Variants in PCDHGA2 observed in about 807,000 individuals in gnomAD.
PCDHGA2 encodes protocadherin gamma-A2.
In PCDHGA2, 40 loss-of-function variants were observed where a neutral mutation model predicts 59.2. The observed-to-expected ratio is 0.68, with a 90% CI of 0.52 to 0.88. The LOEUF is 0.88. PCDHGA2 is among the 40% of genes least tolerant of loss of function. The pLI is 0.00. For synonymous variants in PCDHGA2, 560 were observed against 526.0 expected (o/e 1.06, Z -0.89); for missense variants, 1,226 against 1,204.0 (o/e 1.02, Z -0.27).
chr5:141,469,213 G>C (rs866405809), intron 1 of PCDHGA2, among the ~76,000 whole-genome samples: 4 of 150,912 alleles, frequency 2.7e-5, no homozygotes, highest in African/African-American at 9.7e-5. Flanking sequence ...TGAAGTTGAG[G>C]CTTCAGTGAG....
chr5:141,508,550 G>T (rs1440375100), intron 3 of PCDHGA2, among the ~76,000 whole-genome samples: 3 of 152,138 alleles, frequency 2.0e-5, no homozygotes, highest in Non-Finnish European at 1.5e-5. Flanking sequence ...GGTGGGCGGG[G>T]GATGGCTTTG....
chr5:141,388,511 C>G, intron 1 of PCDHGA2: 1 of 1,613,868 alleles, frequency 6.2e-7, no homozygotes, highest in Non-Finnish European at 8.5e-7. Context: ...AATCCTACCA[C>G]TTGACTTTGA....
rs147057088 is a variant in PCDHGA2 at position 141,432,065 on chromosome 5, A to C, written c.2425-62742A>C. 6.2e-7 allele frequency: 1 copy of C among 1,613,930 alleles called. No individual in the cohort carries two copies. Among genetic ancestry groups the C allele is most frequent in the Non-Finnish European group, 8.5e-7 (1 of 1,180,014 alleles). On this transcript the variant is annotated intron_variant, in intron 1 of 3. Coordinates refer to ENST00000394576, the MANE Select transcript of PCDHGA2 (RefSeq NM_018915.4). This position sits in a 1 kb window ranked among gnomAD's most constrained non-coding sequence, Gnocchi z 6.0. ...GGGAACCCCGCCCCTATCCACGGAA[A>C]CTCATATCTCGCTGAACGTGGCAGA...
rs755304704 is a variant in PCDHGA2, at chr5:141,360,490, A to G, written c.2424+19095A>G. 2.5e-6 allele frequency: 4 copies of G among 1,614,010 alleles called. No individual in the cohort carries two copies. The South Asian group carries it at 3.3e-5, about 13-fold the overall frequency. On this transcript the variant is annotated intron_variant, in intron 1 of 3. Coordinates refer to ENST00000394576, the MANE Select transcript of PCDHGA2 (RefSeq NM_018915.4). ...TGAAAATCCACTAAATATTTTCTACATAGCAGTAATTGTGCAGGATATAAA... is the reference window on the plus strand; with the variant it reads ...TGAAAATCCACTAAATATTTTCTACGTAGCAGTAATTGTGCAGGATATAAA...
intron 1 of PCDHGA2, chr5:141,388,273 C>G: frequency 6.3e-7 from 1 of 1,597,470 alleles, no homozygotes; most frequent in East Asian, 2.3e-5. Context: ...AATGACCACA[C>G]GCCAAAATTC....
intron 1 of PCDHGA2, chr5:141,424,442 T>C (rs2096821583): frequency 6.6e-6 from 1 of 152,244 alleles, no homozygotes; most frequent in South Asian, 2.1e-4. Context: ...AATTGAATTA[T>C]TGAACTGGTA....
chr5:141,419,075 A>G, intron 1 of PCDHGA2: 1 of 1,613,968 alleles, frequency 6.2e-7, no homozygotes, highest in Non-Finnish European at 8.5e-7. Context: ...CAAGCTAGTA[A>G]CAGATGAGGC....
rs1022106778 is a variant in PCDHGA2, at chr5:141,384,657, C to A, written c.2424+43262C>A. ...CACCCCGCTCCGCAGAGCCCGGCTACCTGGTGACCAAGGTGGTGGCGGTGG... is the reference window on the plus strand; with the variant it reads ...CACCCCGCTCCGCAGAGCCCGGCTAACTGGTGACCAAGGTGGTGGCGGTGG... On this transcript the variant is annotated intron_variant, in intron 1 of 3. Transcript: ENST00000394576. 23 of 1,614,124 alleles carry A rather than the reference C, an allele frequency of 1.4e-5. No homozygotes were observed. The African/African-American group carries it at 2.0e-4, about 14-fold the overall frequency.
At chr5:141,420,216 T>C in intron 1 of PCDHGA2, 1 of 1,609,316 alleles carries the variant, frequency 6.2e-7, no homozygotes, top group African/African-American at 1.3e-5. Context: ...AAAGATAGCA[T>C]GCTACTGGCT....
In PCDHGA2 at chr5:141,432,250, A is replaced by G. The variant is rs777728825; in HGVS notation, c.2425-62557A>G. 2 of 1,614,234 alleles carry G rather than the reference A, an allele frequency of 1.2e-6. No homozygotes were observed. Among genetic ancestry groups the G allele is most frequent in the Admixed American group, 1.7e-5 (1 of 60,026 alleles). ...ATTCCCTGGCTGAGAACACCATCCA[A>G]GGGGCAAGCCTATCGTCCTACGTGT... On this transcript the variant is annotated intron_variant, in intron 1 of 3. Transcript: ENST00000394576. The surrounding 1 kb of genome is among the most constrained non-coding windows in gnomAD (Gnocchi z 6.0).
chr5:141,355,256 T>C, intron 1 of PCDHGA2: 1 of 1,613,468 alleles, frequency 6.2e-7, no homozygotes, highest in East Asian at 2.2e-5. Context: ...ATCTGCCTTC[T>C]CCTGGGGGTT....
intron 1 of PCDHGA2, chr5:141,385,030 C>T (rs1448535123): frequency 6.2e-7 from 1 of 1,614,070 alleles, no homozygotes; most frequent in Non-Finnish European, 8.5e-7. Flanking sequence ...CGTCCTCGTA[C>T]TGCTGGCGCT....
chr5:141,499,073 G>T (rs2099789305), intron 2 of PCDHGA2, among the ~76,000 whole-genome samples: 1 of 152,064 alleles, frequency 6.6e-6, no homozygotes, highest in Admixed American at 6.5e-5. Flanking sequence ...CTTACATTCT[G>T]AAGTTCCTGC....
intron 1 of PCDHGA2, chr5:141,361,279 G>A (rs1456239638): frequency 1.2e-6 from 2 of 1,613,892 alleles, no homozygotes; most frequent in Middle Eastern, 1.6e-4. Context: ...AAATGGAGAA[G>A]TTTACTGCCA....
chr5:141,394,009 GTAA>G, intron 1 of PCDHGA2: 1 of 1,613,394 alleles, frequency 6.2e-7, no homozygotes, highest in Non-Finnish European at 8.5e-7. Flanking sequence ...AAGTCAATAG[GTAA>G]TTATTATAGA....
At chr5:141,394,688 G>A (rs770742323) in intron 1 of PCDHGA2, 3 of 1,611,882 alleles carry the variant, frequency 1.9e-6, no homozygotes, top group Middle Eastern at 1.7e-4. Flanking sequence ...ACACGGGCGA[G>A]GTGCGCACGG....
At chr5:141,355,553 G>T (rs758635124) in intron 1 of PCDHGA2, 1 of 1,614,014 alleles carries the variant, frequency 6.2e-7, no homozygotes, top group East Asian at 2.2e-5. Context: ...AAGATTTTGC[G>T]GGTAGAGGTG....
At position 141,409,164 on chromosome 5, in the gene PCDHGA2, C is replaced by T. The variant is rs115772303; in HGVS notation, c.2424+67769C>T. ...GAAAGGTACACCATGGAAGTGGAAG[C>T]GAAGGACGGAGGTGGTCTCTCTACC... On this transcript the variant is annotated intron_variant, in intron 1 of 3. Transcript: ENST00000394576. 2.0e-3 allele frequency: 3,227 copies of T among 1,613,908 alleles called. 51 individuals are homozygous for T. In the African/African-American group the frequency reaches 0.029, roughly 14 times the overall value.
chr5:141,389,818 G>T, intron 1 of PCDHGA2: 2 of 1,613,888 alleles, frequency 1.2e-6, no homozygotes, highest in Non-Finnish European at 1.7e-6. Flanking sequence ...GTCGCCGTGC[G>T]TGACGGTGGA....
Sources: allele counts gnomAD v4.1 joint callset (sites outside exome capture counted in the v4.1 genomes callset), GRCh38; gene constraint gnomAD v4.1.1; non-coding constraint Gnocchi (gnomAD v3.1); transcripts MANE v1.5; gene names NCBI Gene and HGNC (gene_info 2026-07-23, HGNC 2026-07-21).